The following KLF12 variants were observed in gnomAD, a reference collection of about 807,000 sequenced individuals.
The protein encoded by KLF12 is Krueppel-like factor 12.
Under a neutral mutation model 37.8 loss-of-function variants are expected in KLF12, and 9 were observed. The observed-to-expected ratio is 0.24, with a 90% CI of 0.14 to 0.42. The LOEUF (loss-of-function observed/expected upper bound fraction) is 0.42. Ranked by LOEUF, KLF12 falls within the 10% of genes least tolerant of loss-of-function variation. The probability of loss-of-function intolerance (pLI) is 1.00; values close to 1 mark genes in which losing one functional copy is unlikely to be tolerated. For synonymous variants in KLF12, 208 were observed against 202.1 expected, an observed-to-expected ratio of 1.03 and a Z score of -0.25; for missense variants, 411 against 516.0, an observed-to-expected ratio of 0.80 and a Z score of 1.97.
chr13:73,959,124 C>CACAAAAAAAAAAAAAAAAA (rs1555329379), intron 2 of KLF12, among the ~76,000 whole-genome samples: 1 of 86,838 alleles, frequency 1.2e-5, no homozygotes, highest in Non-Finnish European at 2.4e-5. Flanking sequence ...ACCCCCCTTC[C>CACAAAAAAAAAAAAAAAAA]AAAAAAAAAC....
In KLF12 at chr13:73,947,827, A is replaced by G. The variant is rs140944132; in HGVS notation, c.34-3757T>C. 2.0e-5 allele frequency among the ~76,000 whole-genome samples: 3 copies of G among 152,152 alleles called. No individual in the cohort carries two copies. The East Asian group carries it at 5.8e-4, about 29-fold the overall frequency. Reference sequence around the variant, plus strand: ...TGACCAGAACTCATAAAAACATACAATGGGGTGACTTTCCAGGTCAACTCC... The same window carrying G: ...TGACCAGAACTCATAAAAACATACAGTGGGGTGACTTTCCAGGTCAACTCC... On this transcript the variant is annotated intron_variant, in intron 2 of 7. Transcript: ENST00000377669.
At chr13:73,850,295 T>C (rs1203988212) in intron 3 of KLF12, among the ~76,000 whole-genome samples, 1 of 152,236 alleles carries the variant, frequency 6.6e-6, no homozygotes, top group African/African-American at 2.4e-5. Context: ...GGAAATTACA[T>C]TTGAGGTTTT....
chr13:74,178,479 A>T, the KLF12 span, among the ~76,000 whole-genome samples: 3 of 152,140 alleles, frequency 2.0e-5, no homozygotes, highest in Non-Finnish European at 2.9e-5. Flanking sequence ...AAGAGAGGTG[A>T]CTCTGTAATA....
intron 3 of KLF12, among the ~76,000 whole-genome samples, chr13:73,853,097 G>C (rs1885419956): frequency 6.6e-6 from 1 of 151,966 alleles, no homozygotes; most frequent in African/African-American, 2.4e-5. Context: ...TCGATCTCCT[G>C]ACCTCGTGAT....
At chr13:74,171,657 T>G in the KLF12 span, among the ~76,000 whole-genome samples, 2 of 152,076 alleles carry the variant, frequency 1.3e-5, no homozygotes, top group African/African-American at 4.8e-5. Context: ...TTCACAATAA[T>G]TGAAAGGTGG....
chr13:74,152,885 G>GATAATAATAATA, the KLF12 span, among the ~76,000 whole-genome samples: 2 of 139,026 alleles, frequency 1.4e-5, no homozygotes, highest in South Asian at 2.4e-4. Context: ...CCCCATTACA[G>GATAATAATAATA]ATAATAATAA....
chr13:74,070,852 A>AG (rs767229107), intron 1 of KLF12, among the ~76,000 whole-genome samples: 25 of 152,160 alleles, frequency 1.6e-4, no homozygotes, highest in African/African-American at 5.6e-4. Flanking sequence ...ATATTTCATG[A>AG]GGAAAAAAAA....
At chr13:73,993,292 T>C (rs1165758241) in intron 2 of KLF12, among the ~76,000 whole-genome samples, 1 of 152,210 alleles carries the variant, frequency 6.6e-6, no homozygotes, top group African/African-American at 2.4e-5. Context: ...GACTTTTGAA[T>C]TCATGAATTA....
At chr13:73,912,649 A>G (rs192195253) in intron 3 of KLF12, among the ~76,000 whole-genome samples, 68 of 152,276 alleles carry the variant, frequency 4.5e-4, no homozygotes, top group Non-Finnish European at 8.4e-4. Context: ...TGTTGACATG[A>G]TAACTGTGGA....
At chr13:73,753,148 G>A (rs373244965) in intron 6 of KLF12, among the ~76,000 whole-genome samples, 3 of 151,952 alleles carry the variant, frequency 2.0e-5, no homozygotes, top group East Asian at 1.9e-4. Flanking sequence ...AAAGTCATCC[G>A]CGGTCCCCGT....
At chr13:74,269,142 C>G in the KLF12 span, among the ~76,000 whole-genome samples, 3 of 152,204 alleles carry the variant, frequency 2.0e-5, no homozygotes, top group African/African-American at 7.2e-5. Context: ...TGGATTACCC[C>G]AGAGATAATG....
At chr13:74,079,478 G>T (rs1020126462) in intron 1 of KLF12, among the ~76,000 whole-genome samples, 1 of 152,142 alleles carries the variant, frequency 6.6e-6, no homozygotes, top group African/African-American at 2.4e-5. Flanking sequence ...TAAAACTCTC[G>T]ATCTGGAAAG....
chr13:74,127,148 C>T (rs559211199), intron 1 of KLF12, among the ~76,000 whole-genome samples: 2 of 152,154 alleles, frequency 1.3e-5, no homozygotes, highest in Non-Finnish European at 2.9e-5. Context: ...GGAATACAGG[C>T]ACACGCCACC....
chr13:73,997,884 A>T (rs1210073297), intron 1 of KLF12, among the ~76,000 whole-genome samples: 2 of 152,174 alleles, frequency 1.3e-5, no homozygotes, highest in Non-Finnish European at 2.9e-5. Flanking sequence ...TACACTTTTG[A>T]AAGTATTTTA....
chr13:73,903,913 C>T (rs1218905543), intron 3 of KLF12, among the ~76,000 whole-genome samples: 1 of 152,168 alleles, frequency 6.6e-6, no homozygotes, highest in East Asian at 1.9e-4. Context: ...ATAGTTTCAT[C>T]CTGAAACCAT....
intron 2 of KLF12, among the ~76,000 whole-genome samples, chr13:73,970,604 T>C (rs555792811): frequency 1.1e-4 from 17 of 152,304 alleles, no homozygotes; most frequent in African/African-American, 3.8e-4. Flanking sequence ...TTCTACCATA[T>C]GCCAACTGGC....
chr13:74,178,691 C>A, the KLF12 span, among the ~76,000 whole-genome samples: 1 of 152,204 alleles, frequency 6.6e-6, no homozygotes, highest in Admixed American at 6.5e-5. Flanking sequence ...GGGACTAGTT[C>A]ATCTCCTTAG....
the KLF12 span, among the ~76,000 whole-genome samples, chr13:74,274,931 A>G: frequency 6.6e-6 from 1 of 151,956 alleles, no homozygotes; most frequent in Non-Finnish European, 1.5e-5. Flanking sequence ...TGTGTGGTAA[A>G]ATTTATTAAT....
chr13:73,862,686 C>T (rs1268336553), intron 3 of KLF12, among the ~76,000 whole-genome samples: 1 of 152,030 alleles, frequency 6.6e-6, no homozygotes, highest in African/African-American at 2.4e-5. Context: ...ATTATTTTTT[C>T]CTTTATTGGT....
Sources: allele counts gnomAD v4.1 joint callset (sites outside exome capture counted in the v4.1 genomes callset), GRCh38; gene constraint gnomAD v4.1.1; transcripts MANE v1.5; gene names NCBI Gene and HGNC (gene_info 2026-07-23, HGNC 2026-07-21).